Variants in UGT2B11 observed in about 807,000 individuals in gnomAD.
UGT2B11 encodes UDP-glucuronosyltransferase 2B11.
Under a neutral mutation model 51.7 loss-of-function variants are expected in UGT2B11, and 49 were observed. The observed-to-expected ratio is 0.95, with a 90% CI of 0.75 to 1.20. The LOEUF (loss-of-function observed/expected upper bound fraction) is 1.20. UGT2B11 is among the 50% of genes most tolerant of loss of function. The pLI is 0.00. For synonymous variants in UGT2B11, 273 were observed against 209.0 expected, an observed-to-expected ratio of 1.31 and a Z score of -2.64; for missense variants, 810 against 622.1, an observed-to-expected ratio of 1.30 and a Z score of -3.21.
At chr4:69,208,860 G>C (rs1419591351) in intron 2 of UGT2B11, among the ~76,000 whole-genome samples, 4 of 148,940 alleles carry the variant, frequency 2.7e-5, no homozygotes, top group African/African-American at 9.9e-5. Flanking sequence ...TTAATCCTAT[G>C]TTTTTGTTCT....
the UGT2B11 span, among the ~76,000 whole-genome samples, chr4:69,221,515 G>A: frequency 6.6e-6 from 1 of 152,190 alleles, no homozygotes; most frequent in African/African-American, 2.4e-5. Flanking sequence ...CAACAAATGG[G>A]TAATTTGTTC....
At chr4:69,212,494 C>T (rs1337061274) in intron 2 of UGT2B11, 79 bp downstream of exon 2, 2 of 1,562,926 alleles carry the variant, frequency 1.3e-6, no homozygotes, top group Non-Finnish European at 1.7e-6. Context: ...GTAAGTCAAA[C>T]ATTTTGAATG....
the UGT2B11 span, among the ~76,000 whole-genome samples, chr4:69,222,287 C>A: frequency 2.0e-5 from 3 of 152,262 alleles, no homozygotes; most frequent in Non-Finnish European, 4.4e-5. Context: ...TGGCCTTCAA[C>A]GGAATCTGGA....
intron 1 of UGT2B11, 41 bp from the exon 2 acceptor site, chr4:69,212,762 T>C (rs765785291): frequency 3.8e-6 from 6 of 1,580,690 alleles, no homozygotes; most frequent in South Asian, 1.2e-5. Flanking sequence ...TGATGTAAGA[T>C]AATTACTTTA....
chr4:69,205,742 A>T (rs888314224), intron 3 of UGT2B11, 175 bp from the exon 4 acceptor site: 1 of 719,150 alleles, frequency 1.4e-6, no homozygotes, highest in Non-Finnish European at 2.1e-6. Context: ...AATGATTTAG[A>T]TATATAAGAA....
Position 69,200,155 on chromosome 4 carries a change from A to C in UGT2B11, c.*285T>G, listed in dbSNP as rs1721593427. 3.9e-6 allele frequency: 1 copy of C among 253,246 alleles called. No individual in the cohort carries two copies. The highest frequency in any genetic ancestry group is 7.1e-6 in the Non-Finnish European group (1 of 141,488). The allele number at this position is 253,246 out of a possible 1,614,324, so 15.7% of individuals were successfully genotyped here. A position where few individuals can be genotyped will look rare whatever the true frequency, so the allele number is the denominator to read the frequency against. On this transcript the variant is annotated 3_prime_UTR_variant, in exon 6 of 6. Coordinates refer to ENST00000446444, the MANE Select transcript of UGT2B11 (RefSeq NM_001073.3). ...CTTGTGAATTCAAACAACAAATCTCAATATAAGTGCAACAAATTTCAATAT... is the reference window on the plus strand; with the variant it reads ...CTTGTGAATTCAAACAACAAATCTCCATATAAGTGCAACAAATTTCAATAT...
intron 3 of UGT2B11, among the ~76,000 whole-genome samples, chr4:69,207,016 A>C (rs1055477889): frequency 6.6e-6 from 1 of 151,650 alleles, no homozygotes; most frequent in African/African-American, 2.4e-5. Context: ...GAAAAATTTC[A>C]AGCGACAATT....
At chr4:69,212,747 G>A (rs760940032) in intron 1 of UGT2B11, 26 bp from the exon 2 acceptor site, 3 of 1,589,944 alleles carry the variant, frequency 1.9e-6, no homozygotes, top group East Asian at 2.3e-5. Context: ...AAAAGAAAAA[G>A]TGGATGATGT....
At chr4:69,215,276 C>G (rs1231941630), upstream of UGT2B11, 1 of 152,174 alleles carries the variant, frequency 6.6e-6, no homozygotes, top group Non-Finnish European at 1.5e-5. Context: ...CTCATCTCCC[C>G]ACCAAATTTC....
the UGT2B11 span, among the ~76,000 whole-genome samples, chr4:69,224,752 GA>G: frequency 0.69 from 99,372 of 145,000 alleles, 34,646 homozygotes; most frequent in East Asian, 0.95. Context: ...TCAACCGAGA[GA>G]AAAAAAAAAA....
chr4:69,200,555 T>C lies in UGT2B11; in HGVS notation c.1475A>G (p.Asp492Gly), dbSNP rs1242841231. ...DLTWFQYHSLDVIGFLLACVA... is the reference protein window; with the variant it reads ...DLTWFQYHSLGVIGFLLACVA... ...ACAGGCCAGCAGAAACCCAATCACATCCAAAGAGTGGTACTGGAACCAGGT... is the reference window on the plus strand; with the variant it reads ...ACAGGCCAGCAGAAACCCAATCACACCCAAAGAGTGGTACTGGAACCAGGT... The change falls in exon 6 of 6, where the codon GAT (aspartate) becomes GGT (glycine). Residue 492 changes from aspartate to glycine, a missense_variant. By Grantham distance (94) the Asp-to-Gly change is moderately conservative. Transcript: ENST00000446444. 9.3e-6 allele frequency: 15 copies of C among 1,612,306 alleles called. No homozygotes were observed. Among genetic ancestry groups the C allele is most frequent in the Non-Finnish European group, 1.2e-5 (14 of 1,178,982 alleles).
At position 69,200,219 on chromosome 4, in the gene UGT2B11, G is replaced by T. The variant is rs1276096310; in HGVS notation, c.*221C>A. 3 of 520,590 alleles carry T rather than the reference G, an allele frequency of 5.8e-6. No individual in the cohort carries two copies. Among genetic ancestry groups the T allele is most frequent in the East Asian group, 4.7e-5 (1 of 21,144 alleles). The allele number at this position is 520,590 out of a possible 1,614,324, so 32.2% of individuals were successfully genotyped here. ...TTTATATTATTTTTTAATTTTCCTA[G>T]TATTTTCTTCATTGCCACAAAATAT... On this transcript the variant is annotated 3_prime_UTR_variant, in exon 6 of 6. Coordinates refer to ENST00000446444, the MANE Select transcript of UGT2B11 (RefSeq NM_001073.3).
intron 3 of UGT2B11, among the ~76,000 whole-genome samples, chr4:69,206,918 A>C (rs1721880552): frequency 6.6e-6 from 1 of 151,630 alleles, no homozygotes; most frequent in Non-Finnish European, 1.5e-5. Context: ...AGTCTATAAA[A>C]TAAGCTACTT....
At chr4:69,218,026 C>T (rs562376350), upstream of UGT2B11, among the ~76,000 whole-genome samples, 1 of 152,248 alleles carries the variant, frequency 6.6e-6, no homozygotes, top group East Asian at 1.9e-4. Flanking sequence ...CTAATACAGT[C>T]ATTTTGGTTA....
upstream of UGT2B11, chr4:69,215,449 G>C (rs1336320558): frequency 1.3e-5 from 2 of 151,958 alleles, no homozygotes; most frequent in Non-Finnish European, 2.9e-5. Context: ...CCGTAGAATA[G>C]TGTAAATAAG....
At chr4:69,208,995 A>G (rs1356053207) in intron 2 of UGT2B11, among the ~76,000 whole-genome samples, 1 of 151,656 alleles carries the variant, frequency 6.6e-6, no homozygotes, top group African/African-American at 2.4e-5. Context: ...GGATAATTTT[A>G]TATCTACATT....
chr4:69,221,577 A>G, the UGT2B11 span, among the ~76,000 whole-genome samples: 6 of 152,366 alleles, frequency 3.9e-5, no homozygotes, highest in East Asian at 9.6e-4. Context: ...GTCCCTCCCT[A>G]ATAAGGGTGT....
intron 1 of UGT2B11, 133 bp from the exon 2 acceptor site, chr4:69,212,854 T>TTC: frequency 1.3e-6 from 1 of 760,804 alleles, no homozygotes; most frequent in Non-Finnish European, 1.7e-6. Flanking sequence ...TATAAATATA[T>TTC]ATGAATAATA....
the UGT2B11 span, among the ~76,000 whole-genome samples, chr4:69,220,458 G>T: frequency 2.7e-5 from 1 of 37,330 alleles, no homozygotes; most frequent in African/African-American, 8.0e-5. Context: ...GGTGTGTTGG[G>T]GGTGGGGGGG....
Sources: allele counts gnomAD v4.1 joint callset (sites outside exome capture counted in the v4.1 genomes callset), GRCh38; gene constraint gnomAD v4.1.1; transcripts MANE v1.5; gene names NCBI Gene and HGNC (gene_info 2026-07-23, HGNC 2026-07-21).